TPD52: variants seen among roughly 807,000 people sequenced by gnomAD.
TPD52 encodes the protein tumor protein D52, also known as prostate and colon associated protein.
A neutral mutation model predicts 31.3 loss-of-function variants in TPD52; 17 were observed. The observed-to-expected ratio is 0.54, with a 90% CI of 0.37 to 0.82. The LOEUF (loss-of-function observed/expected upper bound fraction) is 0.82, where lower values mean the gene tolerates loss of function less well. Ranked by LOEUF, TPD52 falls within the 40% of genes least tolerant of loss-of-function variation. TPD52 has a pLI of 0.00. For missense variants in TPD52, 212 were observed against 240.1 expected (o/e 0.88, Z 0.77); for synonymous variants, 83 against 89.6 (o/e 0.93, Z 0.42).
chr8:80,153,580 G>T lies in TPD52; in HGVS notation c.19+17845C>A, dbSNP rs577545065. The stretch of plus-strand genomic sequence containing the variant: ...CTAGAGGTTAAGTCAATAATTCAAA[G>T]TTAAAACCTCCAACATTTGAGACTT... On this transcript the variant is annotated intron_variant, in intron 1 of 7. Transcript: ENST00000518937. 9.2e-5 allele frequency among the ~76,000 whole-genome samples: 14 copies of T among 152,282 alleles called. No individual in the cohort carries two copies. In the East Asian group the frequency reaches 2.7e-3, roughly 29 times the overall value.
intron 1 of TPD52, among the ~76,000 whole-genome samples, chr8:80,130,694 A>C (rs1227404449): frequency 6.6e-6 from 1 of 152,222 alleles, no homozygotes; most frequent in Non-Finnish European, 1.5e-5. Context: ...TTAGAAATTA[A>C]GATGCAGAGC....
chr8:80,035,345 A>G lies in TPD52; in HGVS notation c.*2771T>C, dbSNP rs973677484. The G allele has an allele frequency of 6.6e-6, 1 of 152,324 alleles. No individual in the cohort carries two copies. Among genetic ancestry groups the G allele is most frequent in the East Asian group, 1.9e-4 (1 of 5,188 alleles). 9.4% of individuals were successfully genotyped at this position (152,324 alleles called of 1,614,324 possible). ...ACCTTAATGTAGGATCTCTTTGGAC[A>G]CATCTTCAGCAAGCAGTCATTTAAT... On this transcript the variant is annotated 3_prime_UTR_variant, in exon 8 of 8. Coordinates refer to ENST00000518937, the MANE Select transcript of TPD52 (RefSeq NM_001025253.3).
intron 5 of TPD52, among the ~76,000 whole-genome samples, chr8:80,045,945 C>T (rs200106147): frequency 2.0e-5 from 3 of 152,052 alleles, no homozygotes; most frequent in African/African-American, 4.8e-5. Context: ...TTCCTTGTCC[C>T]GGGGACCCAC....
intron 5 of TPD52, among the ~76,000 whole-genome samples, chr8:80,046,575 G>A (rs753437824): frequency 2.0e-5 from 3 of 152,114 alleles, no homozygotes; most frequent in South Asian, 2.1e-4. Flanking sequence ...AAAGTAAAAA[G>A]TCATGTTGCT....
At chr8:80,126,801 T>C (rs1404460955) in intron 1 of TPD52, among the ~76,000 whole-genome samples, 4 of 152,146 alleles carry the variant, frequency 2.6e-5, no homozygotes, top group African/African-American at 9.7e-5. Flanking sequence ...ATAATTTTGA[T>C]TTTAAATTAT....
At chr8:80,100,835 T>C (rs1482163886) in intron 1 of TPD52, among the ~76,000 whole-genome samples, 3 of 152,220 alleles carry the variant, frequency 2.0e-5, no homozygotes, top group Admixed American at 6.5e-5. Context: ...CCTTCAATGA[T>C]AGGATGAGGC....
intron 3 of TPD52, 25 bp downstream of exon 3, chr8:80,053,257 A>C (rs753488412): frequency 1.3e-5 from 21 of 1,610,772 alleles, no homozygotes; most frequent in Non-Finnish European, 1.8e-5. Context: ...ACTCCCAAGG[A>C]AAGTGTATGA....
rs528948791 is a variant in TPD52, at chr8:80,054,821, CAAAT to C, written c.136-1395_136-1392del. 2.3e-3 allele frequency among the ~76,000 whole-genome samples: 347 copies of C among 151,708 alleles called. 5 individuals carry two copies. The highest frequency in any genetic ancestry group is 7.9e-3 in the African/African-American group (327 of 41,352). The stretch of plus-strand genomic sequence containing the variant: ...TAACTGGAACAGAGGTCCCTCAGAA[CAAAT>C]AAATAATCCCCTGTGCTTGTCAGAG... On this transcript the variant is annotated intron_variant, in intron 2 of 7. Transcript: ENST00000518937.
chr8:80,080,831 G>A (rs1815190897), intron 1 of TPD52: 2 of 875,270 alleles, frequency 2.3e-6, no homozygotes, highest in African/African-American at 3.6e-5. Context: ...ATCAGACACT[G>A]GCTGACTTAC....
chr8:80,141,151 C>T (rs915642253), intron 1 of TPD52, among the ~76,000 whole-genome samples: 1 of 152,130 alleles, frequency 6.6e-6, no homozygotes, highest in Non-Finnish European at 1.5e-5. Context: ...TTCCACATCA[C>T]ATTCATACTC....
Position 80,171,431 on chromosome 8 carries a change from C to T in TPD52, c.13G>A (p.Glu5Lys), listed in dbSNP as rs1205653624. 1.9e-6 allele frequency: 3 copies of T among 1,595,406 alleles called. No individual in the cohort carries two copies. The highest frequency in any genetic ancestry group is 1.7e-5 in the Admixed American group (1 of 59,798). Reference protein sequence around the residue: MDRGEQGLLRTDPVP... With the variant: MDRGKQGLLRTDPVP... ...GCTGGGTCCGCGCCCTCACCTTGCT[C>T]GCCGCGGTCCATGTCTCCAGCCCGC... The change falls in exon 1 of 8, where the codon GAG becomes AAG. Residue 5 changes from glutamate to lysine, a missense_variant. Transcript: ENST00000518937.
At chr8:80,136,989 T>G (rs1447556488) in intron 1 of TPD52, among the ~76,000 whole-genome samples, 1 of 152,200 alleles carries the variant, frequency 6.6e-6, no homozygotes, top group Non-Finnish European at 1.5e-5. Context: ...TTATCACTCT[T>G]AACAAGTATG....
chr8:80,114,808 A>C (rs1330842867), intron 1 of TPD52, among the ~76,000 whole-genome samples: 1 of 152,202 alleles, frequency 6.6e-6, no homozygotes, highest in Non-Finnish European at 1.5e-5. Flanking sequence ...ACTACTCTCC[A>C]AGGTCTCTGA....
chr8:80,062,010 T>G (rs1812608254), intron 2 of TPD52, among the ~76,000 whole-genome samples: 1 of 152,224 alleles, frequency 6.6e-6, no homozygotes, highest in African/African-American at 2.4e-5. Flanking sequence ...AGTCAATCTA[T>G]AAACTGAACG....
chr8:80,120,078 C>CT (rs1808150083), intron 1 of TPD52, among the ~76,000 whole-genome samples: 1 of 151,684 alleles, frequency 6.6e-6, no homozygotes, highest in Admixed American at 6.6e-5. Flanking sequence ...AAGTGACAGC[C>CT]TGAGAGAAAA....
At chr8:80,144,179 A>G (rs561012764) in intron 1 of TPD52, among the ~76,000 whole-genome samples, 1 of 152,200 alleles carries the variant, frequency 6.6e-6, no homozygotes, top group Non-Finnish European at 1.5e-5. Context: ...ATATTTTGTA[A>G]TATTACATAT....
In TPD52 at chr8:80,039,647, C is replaced by T. The variant is rs118182320; in HGVS notation, c.505-1412G>A. Among the ~76,000 whole-genome samples the T allele has an allele frequency of 6.2e-3, 948 of 152,254 alleles. 8 individuals are homozygous for T. Among genetic ancestry groups the T allele is most frequent in the Non-Finnish European group, 9.5e-3 (643 of 68,012 alleles). ...TGGGTTGTTTAAAACCCTTCAATGG[C>T]TTCCCATTGCCCCAAGTTCAAACTC... On this transcript the variant is annotated intron_variant, in intron 7 of 7. Transcript: ENST00000518937.
intron 1 of TPD52, among the ~76,000 whole-genome samples, chr8:80,164,613 G>A (rs1811587785): frequency 6.6e-6 from 1 of 152,156 alleles, no homozygotes; most frequent in East Asian, 1.9e-4. Flanking sequence ...GCTGGGTATG[G>A]TGGCCCACTC....
chr8:80,113,301 C>A (rs1396277115), intron 1 of TPD52, among the ~76,000 whole-genome samples: 1 of 148,882 alleles, frequency 6.7e-6, no homozygotes, highest in East Asian at 1.9e-4. Flanking sequence ...GGCAATGATG[C>A]AGAGAAAAGG....
Sources: allele counts gnomAD v4.1 joint callset (sites outside exome capture counted in the v4.1 genomes callset), GRCh38; gene constraint gnomAD v4.1.1; transcripts MANE v1.5; gene names NCBI Gene and HGNC (gene_info 2026-07-23, HGNC 2026-07-21).